The following TMPRSS4 variants were observed in gnomAD, a reference collection of about 807,000 sequenced individuals.
TMPRSS4 encodes transmembrane protease serine 4.
TMPRSS4 carries 45 observed loss-of-function variants against 56.4 expected under a neutral mutation model. The observed-to-expected ratio is 0.80, with a 90% confidence interval of 0.63 to 1.02. TMPRSS4 has a LOEUF of 1.02. Ranked by LOEUF, TMPRSS4 falls within the 50% of genes least tolerant of loss-of-function variation. The pLI, the probability that TMPRSS4 is intolerant of heterozygous loss-of-function variation, is 0.00. For synonymous variants in TMPRSS4, 205 were observed against 211.0 expected, an observed-to-expected ratio of 0.97 and a Z score of 0.25; for missense variants, 546 against 556.7, an observed-to-expected ratio of 0.98 and a Z score of 0.19.
chr11:118,093,701 C>T (rs1271332914), intron 1 of TMPRSS4, among the ~76,000 whole-genome samples: 6 of 152,188 alleles, frequency 3.9e-5, no homozygotes, highest in African/African-American at 1.4e-4. Flanking sequence ...AGTCTAAAGT[C>T]TACCACCCAG....
At chr11:118,084,135 C>G (rs1945362576) in intron 1 of TMPRSS4, among the ~76,000 whole-genome samples, 3 of 152,146 alleles carry the variant, frequency 2.0e-5, no homozygotes, top group Admixed American at 2.0e-4. Context: ...GGGAGACTTA[C>G]TGCATCTCTC....
chr11:118,078,952 G>C (rs1018795845), intron 1 of TMPRSS4, among the ~76,000 whole-genome samples: 1 of 152,158 alleles, frequency 6.6e-6, no homozygotes, highest in African/African-American at 2.4e-5. Flanking sequence ...CAGATGTAAG[G>C]ACTTAGGACT....
chr11:118,082,817 G>C (rs1191156487), intron 1 of TMPRSS4, among the ~76,000 whole-genome samples: 1 of 152,178 alleles, frequency 6.6e-6, no homozygotes, highest in Non-Finnish European at 1.5e-5. Flanking sequence ...CTATCTGTGG[G>C]AGGAGACAAG....
At chr11:118,079,782 C>T (rs1944984782) in intron 1 of TMPRSS4, among the ~76,000 whole-genome samples, 1 of 152,162 alleles carries the variant, frequency 6.6e-6, no homozygotes, top group South Asian at 2.1e-4. Context: ...AGCCTGCGGG[C>T]AGCGGGGTGC....
chr11:118,124,473 C>G (rs559478015), downstream of TMPRSS4, among the ~76,000 whole-genome samples: 17 of 152,272 alleles, frequency 1.1e-4, no homozygotes, highest in Admixed American at 5.9e-4. Flanking sequence ...GGTAAAATGT[C>G]AATGAGTGTG....
intron 3 of TMPRSS4, among the ~76,000 whole-genome samples, chr11:118,101,969 CT>C (rs1946741689): frequency 1.3e-5 from 2 of 152,094 alleles, no homozygotes; most frequent in South Asian, 4.1e-4. Context: ...AATTTTAGTT[CT>C]TTTTACTTAT....
chr11:118,100,110 G>A (rs191706087), intron 3 of TMPRSS4, among the ~76,000 whole-genome samples: 22 of 152,190 alleles, frequency 1.4e-4, no homozygotes, highest in African/African-American at 4.8e-4. Flanking sequence ...GCTGCTGCGT[G>A]ACCTTGAGTA....
intron 1 of TMPRSS4, among the ~76,000 whole-genome samples, chr11:118,079,195 C>G (rs1388650786): frequency 6.6e-6 from 1 of 152,104 alleles, no homozygotes; most frequent in East Asian, 1.9e-4. Flanking sequence ...ACTGCCTGTG[C>G]TGAATAACCC....
chr11:118,087,757 G>GTT (rs1945664111), intron 1 of TMPRSS4: 1 of 152,262 alleles, frequency 6.6e-6, no homozygotes, highest in African/African-American at 2.4e-5. Context: ...CAACCAGGAG[G>GTT]TTCCCCATGA....
At chr11:118,085,548 C>T (rs10892209) in intron 1 of TMPRSS4, among the ~76,000 whole-genome samples, 53,593 of 151,938 alleles carry the variant, frequency 0.35, 9,956 homozygotes, top group South Asian at 0.52. Context: ...AAAGTGAGTA[C>T]GATTCTTGAA....
downstream of TMPRSS4, among the ~76,000 whole-genome samples, chr11:118,123,189 C>G (rs1947827228): frequency 6.6e-6 from 1 of 152,002 alleles, no homozygotes; most frequent in Admixed American, 6.6e-5. Flanking sequence ...CCTTGCTAAT[C>G]TCAATAAGAA....
chr11:118,091,899 G>C (rs1945994617), intron 1 of TMPRSS4, among the ~76,000 whole-genome samples: 1 of 152,124 alleles, frequency 6.6e-6, no homozygotes, highest in South Asian at 2.1e-4. Flanking sequence ...GCTCTATCCA[G>C]CCCTGGTGAT....
intron 4 of TMPRSS4, among the ~76,000 whole-genome samples, chr11:118,104,309 A>G (rs921082942): frequency 6.6e-6 from 1 of 152,208 alleles, no homozygotes; most frequent in Non-Finnish European, 1.5e-5. Context: ...CAGGCTGGGC[A>G]AGTTGTGTGG....
At chr11:118,122,374 G>A (rs1947813841), downstream of TMPRSS4, among the ~76,000 whole-genome samples, 1 of 152,168 alleles carries the variant, frequency 6.6e-6, no homozygotes, top group Non-Finnish European at 1.5e-5. Flanking sequence ...TTAAGCTGGG[G>A]TAGCTATATA....
At chr11:118,088,569 G>A (rs906720744) in intron 1 of TMPRSS4, among the ~76,000 whole-genome samples, 5 of 152,232 alleles carry the variant, frequency 3.3e-5, no homozygotes, top group Admixed American at 2.6e-4. Flanking sequence ...CACAGCAGGA[G>A]CTTCATTCCC....
At chr11:118,116,063 C>T (rs1947532611) in intron 11 of TMPRSS4, among the ~76,000 whole-genome samples, 1 of 152,182 alleles carries the variant, frequency 6.6e-6, no homozygotes, top group Admixed American at 6.5e-5. Flanking sequence ...CCCTGTAGAC[C>T]TTCTTCCTCC....
Position 118,092,643 on chromosome 11 carries a change from C to T in TMPRSS4, c.4-2173C>T, listed in dbSNP as rs144115580. On this transcript the variant is annotated intron_variant, in intron 1 of 12. Coordinates refer to ENST00000437212, the MANE Select transcript of TMPRSS4 (RefSeq NM_019894.4). ...CCATAATTTCTAATCTTGGGGCTAACGTTAGTCTAGTCCCCAGACAAGAAG... is the reference window on the plus strand; with the variant it reads ...CCATAATTTCTAATCTTGGGGCTAATGTTAGTCTAGTCCCCAGACAAGAAG... Among the ~76,000 whole-genome samples the T allele has an allele frequency of 1.1e-4, 16 of 152,330 alleles. No individual in the cohort carries two copies. In the East Asian group the frequency reaches 2.5e-3, roughly 24 times the overall value.
At chr11:118,115,409 G>C (rs1833969582) in intron 11 of TMPRSS4, 129 bp downstream of exon 11, 1 of 1,154,244 alleles carries the variant, frequency 8.7e-7, no homozygotes, top group Non-Finnish European at 1.2e-6. Flanking sequence ...GTGATGATGG[G>C]AGGAAGAGAG....
At chr11:118,104,005 C>T (rs535508850) in intron 4 of TMPRSS4, among the ~76,000 whole-genome samples, 1 of 152,186 alleles carries the variant, frequency 6.6e-6, no homozygotes, top group Non-Finnish European at 1.5e-5. Context: ...GAGCCAGGTC[C>T]TTTCAATGGA....
Sources: gnomAD v4.1 joint callset for allele counts (sites outside exome capture counted in the v4.1 genomes callset) on GRCh38, gnomAD v4.1.1 for gene constraint, MANE v1.5 for transcripts, NCBI Gene and HGNC (gene_info 2026-07-23, HGNC 2026-07-21) for gene names.